The following ZNF678 variants were observed in gnomAD, a reference collection of about 807,000 sequenced individuals.
The protein encoded by ZNF678 is hypothetical protein MGC42493.
Under a neutral mutation model 3.0 loss-of-function variants are expected in ZNF678, and 5 were observed. The ratio of observed to expected loss-of-function variants is 1.69; its 90% CI spans 0.88 to 3.56. The LOEUF (loss-of-function observed/expected upper bound fraction) is 3.56. ZNF678 is among the 30% of genes most tolerant of loss of function. The probability of loss-of-function intolerance (pLI) is 0.00; values close to 1 mark genes in which losing one functional copy is unlikely to be tolerated. For missense variants in ZNF678, 593 were observed against 605.0 expected, an observed-to-expected ratio of 0.98 and a Z score of 0.21; for synonymous variants, 218 against 199.6, an observed-to-expected ratio of 1.09 and a Z score of -0.78.
chr1:227,598,044 T>C (rs1416876479), intron 1 of ZNF678, among the ~76,000 whole-genome samples: 1 of 152,206 alleles, frequency 6.6e-6, no homozygotes, highest in Non-Finnish European at 1.5e-5. Flanking sequence ...TAATCCCTCC[T>C]CCAAAAATTT....
intron 1 of ZNF678, among the ~76,000 whole-genome samples, chr1:227,568,687 C>G (rs746499367): frequency 1.5e-4 from 23 of 152,170 alleles, no homozygotes; most frequent in Non-Finnish European, 2.5e-4. Flanking sequence ...ATGGGAGTCC[C>G]AGAGTTACAG....
At chr1:227,571,910 C>T (rs868490859) in intron 1 of ZNF678, among the ~76,000 whole-genome samples, 4 of 152,120 alleles carry the variant, frequency 2.6e-5, no homozygotes, top group Non-Finnish European at 4.4e-5. Flanking sequence ...GATGTGGTGG[C>T]GGGTGCCTGT....
intron 1 of ZNF678, among the ~76,000 whole-genome samples, chr1:227,616,901 C>A (rs1658156074): frequency 6.6e-6 from 1 of 152,154 alleles, no homozygotes; most frequent in South Asian, 2.1e-4. Context: ...AAAAGCTGTT[C>A]CCAGTGGGGT....
In ZNF678 at chr1:227,661,456, T is replaced by C. The variant is rs1659404578; in HGVS notation, c.*5628T>C. On this transcript the variant is annotated 3_prime_UTR_variant, in exon 4 of 4. Coordinates refer to ENST00000343776, the MANE Select transcript of ZNF678 (RefSeq NM_001367909.1). ...TCCCAACAATAAGGGACATGAGTCA[T>C]TGGGGCATGTTACAGAGAGTTTCAG... 6.6e-6 allele frequency: 1 copy of C among 152,136 alleles called. No individual in the cohort carries two copies. Among genetic ancestry groups the C allele is most frequent in the Non-Finnish European group, 1.5e-5 (1 of 68,014 alleles). The allele number at this position is 152,136 out of a possible 1,614,324, so 9.4% of individuals were successfully genotyped here.
At position 227,654,833 on chromosome 1, in the gene ZNF678, C is replaced by G. The variant is rs1230716023; in HGVS notation, c.583C>G (p.Gln195Glu). ...TGACAAAGTTTTTAATTGGTGGTCA[C>G]AACTAACTAGCCATAAGAAAATTCA... ...ECDKVFNWWSQLTSHKKIHSG... is the reference protein window; with the variant it reads ...ECDKVFNWWSELTSHKKIHSG... Residue 195 changes from glutamine (Q) to glutamate (E), a missense_variant, in exon 4 of 4, where the codon CAA becomes GAA. Transcript: ENST00000343776. 1.2e-6 allele frequency: 2 copies of G among 1,605,366 alleles called. No individual in the cohort carries two copies. The highest frequency in any genetic ancestry group is 2.7e-5 in the African/African-American group (2 of 74,062).
chr1:227,576,121 T>C (rs1430772977), intron 1 of ZNF678, among the ~76,000 whole-genome samples: 2 of 152,228 alleles, frequency 1.3e-5, no homozygotes, highest in African/African-American at 2.4e-5. Flanking sequence ...ATAAGCTTTT[T>C]GATGTGCTGC....
intron 1 of ZNF678, among the ~76,000 whole-genome samples, chr1:227,644,974 C>A (rs2102795278): frequency 6.6e-6 from 1 of 152,294 alleles, no homozygotes; most frequent in East Asian, 1.9e-4. Context: ...GTCACAGGGC[C>A]TGCTCTCTTT....
Position 227,654,477 on chromosome 1 carries a change from G to A in ZNF678, c.227G>A (p.Gly76Asp), listed in dbSNP as rs1659164498. The change falls in exon 4 of 4, where the codon GGT becomes GAT. Residue 76 changes from glycine (G) to aspartate (D), a missense_variant. Coordinates refer to ENST00000343776, the MANE Select transcript of ZNF678 (RefSeq NM_001367909.1). Reference sequence around the variant, plus strand: ...AAAGACTGGAGAACTGTGAATGAAGGTAAGGGGCAGAAAGAATATTGCAAT... The same window carrying A: ...AAAGACTGGAGAACTGTGAATGAAGATAAGGGGCAGAAAGAATATTGCAAT... ...LVKDWRTVNE[G>D]KGQKEYCNRL... 1 of 1,613,274 alleles carries A rather than the reference G, an allele frequency of 6.2e-7. No homozygotes were observed. The highest frequency in any genetic ancestry group is 2.2e-5 in the East Asian group (1 of 44,848).
At position 227,644,608 on chromosome 1, in the gene ZNF678, T is replaced by G. The variant is rs116370427; in HGVS notation, c.-163-1936T>G. ...ATGATGGGCCTAGGAGGATCAACAT[T>G]AACACGAACAGGGACTTCTTACAGA... On this transcript the variant is annotated intron_variant, in intron 1 of 3. Coordinates refer to ENST00000343776, the MANE Select transcript of ZNF678 (RefSeq NM_001367909.1). 2.9e-3 allele frequency among the ~76,000 whole-genome samples: 435 copies of G among 152,288 alleles called. 2 individuals are homozygous for G. The highest frequency in any genetic ancestry group is 9.9e-3 in the African/African-American group (413 of 41,556).
Position 227,655,675 on chromosome 1 carries a change from C to G in ZNF678, c.1425C>G (p.Ser475Arg). 6.2e-7 allele frequency: 1 copy of G among 1,612,724 alleles called. No individual in the cohort carries two copies. Among genetic ancestry groups the G allele is most frequent in the Non-Finnish European group, 8.5e-7 (1 of 1,179,202 alleles). Residue 475 changes from serine to arginine, a missense_variant, in exon 4 of 4, where the codon AGC becomes AGG. Transcript: ENST00000343776. ...GCAAAGCCTTTAACCAGTTCTCAAG[C>G]CTTACTCGTCATAAAAGAATTCATA... ...ECGKAFNQFS[S>R]LTRHKRIHTG...
chr1:227,622,857 A>G (rs1002687041), intron 1 of ZNF678, among the ~76,000 whole-genome samples: 1 of 152,186 alleles, frequency 6.6e-6, no homozygotes, highest in Admixed American at 6.5e-5. Flanking sequence ...GACATTTGTC[A>G]CTTCAGACAT....
At chr1:227,571,146 T>G (rs975679871) in intron 1 of ZNF678, among the ~76,000 whole-genome samples, 1 of 152,214 alleles carries the variant, frequency 6.6e-6, no homozygotes, top group Non-Finnish European at 1.5e-5. Context: ...AAATAGTTAT[T>G]TGTAGTGTAA....
chr1:227,581,349 G>A (rs1040329826), intron 1 of ZNF678, among the ~76,000 whole-genome samples: 16 of 151,198 alleles, frequency 1.1e-4, no homozygotes, highest in Non-Finnish European at 1.3e-4. Flanking sequence ...GAGGAATAAA[G>A]AAAGAAAAGA....
intron 1 of ZNF678, among the ~76,000 whole-genome samples, chr1:227,615,295 C>A (rs1658115974): frequency 6.6e-6 from 1 of 152,170 alleles, no homozygotes; most frequent in Non-Finnish European, 1.5e-5. Flanking sequence ...AGTTTCAGGT[C>A]ATGTTTAGTT....
At chr1:227,588,402 C>T (rs3010184) in intron 1 of ZNF678, among the ~76,000 whole-genome samples, 2,737 of 152,110 alleles carry the variant, frequency 0.018, 84 homozygotes, top group African/African-American at 0.062. Context: ...TTTGAGGAAT[C>T]GCCACACTGT....
intron 1 of ZNF678, among the ~76,000 whole-genome samples, chr1:227,631,634 C>A (rs1379490696): frequency 1.3e-5 from 2 of 152,140 alleles, no homozygotes; most frequent in Non-Finnish European, 2.9e-5. Context: ...CTTTTTGTTG[C>A]CCCAGATTAA....
At position 227,654,391 on chromosome 1, in the gene ZNF678, A is replaced by G; in HGVS notation, c.141A>G (p.Leu47=). The G allele has an allele frequency of 6.2e-7, 1 of 1,604,688 alleles. No homozygotes were observed. The change falls in exon 4 of 4, where the codon TTA becomes TTG. Residue 47 remains leucine, a synonymous_variant. Transcript: ENST00000343776. ...DLLPEQDMKD[L]CQKVTLTRHR... is the part of the protein sequence containing the mutation. ...TGCCAGAGCAGGATATGAAAGATTT[A>G]TGCCAAAAAGTGACACTGACAAGAC...
rs1659343045 is a variant in ZNF678, at chr1:227,659,527, G to T, written c.*3699G>T. 6.6e-6 allele frequency: 1 copy of T among 152,130 alleles called. No individual in the cohort carries two copies. The highest frequency in any genetic ancestry group is 1.5e-5 in the Non-Finnish European group (1 of 68,012). 9.4% of individuals were successfully genotyped at this position (152,130 alleles called of 1,614,324 possible). A position where few individuals can be genotyped will look rare whatever the true frequency, so the allele number is the denominator to read the frequency against. On this transcript the variant is annotated 3_prime_UTR_variant, in exon 4 of 4. Coordinates refer to ENST00000343776, the MANE Select transcript of ZNF678 (RefSeq NM_001367909.1). ...CAGGTGTCCCAAACTTAAAGTGAAAGCCATAGAGTCCTTTGGTGACTCCCA... is the reference window on the plus strand; with the variant it reads ...CAGGTGTCCCAAACTTAAAGTGAAATCCATAGAGTCCTTTGGTGACTCCCA...
chr1:227,618,347 C>G (rs1658191824), intron 1 of ZNF678, among the ~76,000 whole-genome samples: 2 of 152,230 alleles, frequency 1.3e-5, no homozygotes, highest in Non-Finnish European at 2.9e-5. Flanking sequence ...GAGGAGCCCT[C>G]TGTAGACTGG....
Sources: gnomAD v4.1 joint callset for allele counts (sites outside exome capture counted in the v4.1 genomes callset) on GRCh38, gnomAD v4.1.1 for gene constraint, MANE v1.5 for transcripts, NCBI Gene and HGNC (gene_info 2026-07-23, HGNC 2026-07-21) for gene names.